The following AFF2 variants were observed in gnomAD, a reference collection of about 807,000 sequenced individuals.
The protein encoded by AFF2 is ALF transcription elongation factor 2.
AFF2 carries 14 observed loss-of-function variants against 76.9 expected under a neutral mutation model. That is an observed-to-expected ratio of 0.18 (90% CI 0.12 to 0.28). The LOEUF (loss-of-function observed/expected upper bound fraction) is 0.28. AFF2 is among the 10% of genes least tolerant of loss of function. The pLI is 1.00. For missense variants in AFF2, 868 were observed against 1,001.1 expected, an observed-to-expected ratio of 0.87 and a Z score of 1.79; for synonymous variants, 398 against 366.7, an observed-to-expected ratio of 1.09 and a Z score of -0.98.
intron 3 of AFF2, among the ~76,000 whole-genome samples, chrX:148,778,820 T>A (rs1292075974): frequency 9.0e-6 from 1 of 111,726 alleles, no homozygotes; most frequent in Non-Finnish European, 1.9e-5. Flanking sequence ...TCATTTATTT[T>A]TTTGAAGGGT....
At chrX:148,896,175 A>C (rs1386097646) in intron 8 of AFF2, among the ~76,000 whole-genome samples, 3 of 111,116 alleles carry the variant, frequency 2.7e-5, no homozygotes, top group African/African-American at 9.8e-5. Flanking sequence ...ACAACTCCTT[A>C]GCTCAGGGGA....
intron 1 of AFF2, among the ~76,000 whole-genome samples, chrX:148,588,070 T>A (rs1327605330): frequency 1.8e-5 from 2 of 112,400 alleles, no homozygotes; most frequent in Non-Finnish European, 3.8e-5. Flanking sequence ...GTTAGTGGAT[T>A]TTTAACAGAA....
chrX:148,552,288 G>T (rs2053003453), intron 1 of AFF2, among the ~76,000 whole-genome samples: 1 of 112,065 alleles, frequency 8.9e-6, no homozygotes, highest in Non-Finnish European at 1.9e-5. Flanking sequence ...AGAGAGTGAT[G>T]GGGAAGGTCA....
intron 3 of AFF2, among the ~76,000 whole-genome samples, chrX:148,688,545 G>A (rs1218219048): frequency 2.7e-5 from 3 of 111,303 alleles, no homozygotes; most frequent in Non-Finnish European, 5.7e-5. Context: ...AACTCCTTGA[G>A]GGCAAGGAGT....
chrX:148,863,002 T>C (rs2070867387), intron 7 of AFF2, among the ~76,000 whole-genome samples: 1 of 111,845 alleles, frequency 8.9e-6, no homozygotes, highest in African/African-American at 3.2e-5. Flanking sequence ...TATATTTATT[T>C]CTGGTATATA....
intron 1 of AFF2, among the ~76,000 whole-genome samples, chrX:148,616,824 T>C (rs1379160841): frequency 9.3e-6 from 1 of 107,522 alleles, no homozygotes; most frequent in Non-Finnish European, 1.9e-5. Context: ...ACATGCGGTG[T>C]TTGGTTTTTT....
intron 2 of AFF2, among the ~76,000 whole-genome samples, chrX:148,653,908 C>T (rs1288307454): frequency 9.0e-6 from 1 of 111,339 alleles, no homozygotes; most frequent in African/African-American, 3.3e-5. Flanking sequence ...CTTTGAGATG[C>T]TAGAGAGATA....
rs150326575 is a variant in AFF2 at position 148,638,576 on chromosome X, G to A, written c.48-13423G>A. Among the ~76,000 whole-genome samples, 45 of 111,634 alleles carry A rather than the reference G, an allele frequency of 4.0e-4. No individual in the cohort carries two copies. The East Asian group carries it at 9.7e-3, about 24-fold the overall frequency. ...CACTTGGCGATTTATAAAGAAAAGA[G>A]GTTTAATTGGCTCACTGTTCTGCAG... is the stretch of plus-strand genomic sequence containing the variant. On this transcript the variant is annotated intron_variant, in intron 1 of 20. Coordinates refer to ENST00000370460, the MANE Select transcript of AFF2 (RefSeq NM_002025.4).
At chrX:148,701,012 A>ATGTGTGTGTGTGTGTG (rs10675200) in intron 3 of AFF2, among the ~76,000 whole-genome samples, 13 of 73,738 alleles carry the variant, frequency 1.8e-4, no homozygotes, top group Non-Finnish European at 2.2e-4. Context: ...GAGAGAGAGA[A>ATGTGTGTGTGTGTGTG]TGTGTGTGTG....
chrX:148,730,293 C>T (rs5980584), intron 3 of AFF2, among the ~76,000 whole-genome samples: 23,259 of 111,451 alleles, frequency 0.21, 4,332 homozygotes, highest in African/African-American at 0.61. Flanking sequence ...GCTCCAAAGC[C>T]GTTCCAAACA....
Position 148,991,600 on chromosome X carries a change from A to C in AFF2, c.*268A>C. 4.8e-6 allele frequency: 1 copy of C among 209,135 alleles called. No individual in the cohort carries two copies. The allele number at this position is 209,135 out of a possible 1,213,427, so 17.2% of individuals were successfully genotyped here. On this transcript the variant is annotated 3_prime_UTR_variant, in exon 21 of 21. Coordinates refer to ENST00000370460, the MANE Select transcript of AFF2 (RefSeq NM_002025.4). ...TCCACCATCTTTTTGTGCTTTATGG[A>C]ATGACAGTCCCTACAATATTGTTTT...
chrX:148,817,163 CATT>C (rs2070276234), intron 4 of AFF2, among the ~76,000 whole-genome samples: 1 of 110,483 alleles, frequency 9.1e-6, no homozygotes, highest in South Asian at 3.8e-4. Flanking sequence ...AACAGAAAAT[CATT>C]ATAATTAATT....
intron 3 of AFF2, among the ~76,000 whole-genome samples, chrX:148,794,781 G>A (rs782285659): frequency 1.8e-5 from 2 of 110,903 alleles, no homozygotes; most frequent in Non-Finnish European, 3.8e-5. Flanking sequence ...GGGGTGGGGG[G>A]TTCATGGCAG....
intron 1 of AFF2, among the ~76,000 whole-genome samples, chrX:148,597,762 A>G (rs1557247521): frequency 8.9e-6 from 1 of 112,248 alleles, no homozygotes; most frequent in Non-Finnish European, 1.9e-5. Flanking sequence ...CAAAAGGTAC[A>G]GTTGAGTACC....
At chrX:148,774,662 G>A (rs782081521) in intron 3 of AFF2, among the ~76,000 whole-genome samples, 3 of 111,490 alleles carry the variant, frequency 2.7e-5, no homozygotes, top group Admixed American at 9.6e-5. Context: ...AATTCTTCCA[G>A]AATACTCACT....
At chrX:148,848,994 A>G (rs2070699845) in intron 7 of AFF2, among the ~76,000 whole-genome samples, 1 of 111,688 alleles carries the variant, frequency 9.0e-6, no homozygotes, top group Non-Finnish European at 1.9e-5. Context: ...CACAGTTTGA[A>G]ATGAATCAGC....
At chrX:148,713,014 G>T (rs5980582) in intron 3 of AFF2, among the ~76,000 whole-genome samples, 14,736 of 111,155 alleles carry the variant, frequency 0.13, 971 homozygotes, top group African/African-American at 0.25. Flanking sequence ...GAGGCCTAAC[G>T]GATGTGACAT....
chrX:148,764,360 G>T (rs923738488), intron 3 of AFF2, among the ~76,000 whole-genome samples: 10 of 112,159 alleles, frequency 8.9e-5, no homozygotes, highest in Non-Finnish European at 1.5e-4. Context: ...AAAATGCAAT[G>T]CTGGTTCTAA....
intron 7 of AFF2, among the ~76,000 whole-genome samples, chrX:148,857,779 C>T (rs781865097): frequency 9.0e-6 from 1 of 111,184 alleles, no homozygotes; most frequent in Non-Finnish European, 1.9e-5. Flanking sequence ...CTCCTAGAAA[C>T]CTGTTCAAAA....
Sources: allele counts gnomAD v4.1 joint callset (sites outside exome capture counted in the v4.1 genomes callset), GRCh38; gene constraint gnomAD v4.1.1; transcripts MANE v1.5; gene names NCBI Gene and HGNC (gene_info 2026-07-23, HGNC 2026-07-21).